The following CNTNAP5 variants were observed in gnomAD, a reference collection of about 807,000 sequenced individuals.
CNTNAP5 encodes contactin-associated protein-like 5.
In CNTNAP5, 72 loss-of-function variants were observed where a neutral mutation model predicts 150.2. The ratio of observed to expected loss-of-function variants is 0.48; its 90% CI spans 0.40 to 0.58. CNTNAP5 has a LOEUF of 0.58. Among genes scored for constraint, CNTNAP5 ranks in the 20% least tolerant of loss-of-function variants. The pLI, the probability that CNTNAP5 is intolerant of heterozygous loss-of-function variation, is 0.00. For missense variants in CNTNAP5, 1,636 were observed against 1,626.2 expected (o/e 1.01, Z -0.10); for synonymous variants, 672 against 619.8 (o/e 1.08, Z -1.25).
intron 1 of CNTNAP5, among the ~76,000 whole-genome samples, chr2:124,071,943 G>A (rs1300575661): frequency 2.0e-5 from 3 of 151,832 alleles, no homozygotes. Flanking sequence ...GAAAACTACA[G>A]GCCAATATTC....
chr2:124,791,579 T>C (rs927929699), intron 18 of CNTNAP5, among the ~76,000 whole-genome samples: 1 of 152,018 alleles, frequency 6.6e-6, no homozygotes, highest in Non-Finnish European at 1.5e-5. Context: ...CTTCTCAGCA[T>C]CTCTAACCAA....
chr2:124,703,609 C>T (rs147905308), intron 13 of CNTNAP5, among the ~76,000 whole-genome samples: 161 of 152,236 alleles, frequency 1.1e-3, no homozygotes, highest in African/African-American at 3.4e-3. Flanking sequence ...TCACCTTGTG[C>T]GATGGCTAGT....
intron 3 of CNTNAP5, among the ~76,000 whole-genome samples, chr2:124,263,877 T>A (rs1168961952): frequency 6.6e-6 from 1 of 152,226 alleles, no homozygotes; most frequent in Admixed American, 6.5e-5. Flanking sequence ...GGCAGCCAGT[T>A]TTCCCAGCAC....
At chr2:124,371,675 C>A (rs1690530539) in intron 3 of CNTNAP5, among the ~76,000 whole-genome samples, 1 of 151,966 alleles carries the variant, frequency 6.6e-6, no homozygotes, top group Non-Finnish European at 1.5e-5. Context: ...TAAGATAAAG[C>A]TGGGTAACAG....
intron 13 of CNTNAP5, among the ~76,000 whole-genome samples, chr2:124,713,372 T>TTTCTTTCTTTCC (rs1553434537): frequency 7.3e-6 from 1 of 137,090 alleles, no homozygotes; most frequent in South Asian, 2.4e-4. Flanking sequence ...TCTTTCTTTC[T>TTTCTTTCTTTCC]TTCTTTCTTC....
intron 4 of CNTNAP5, among the ~76,000 whole-genome samples, chr2:124,423,242 A>G (rs966007263): frequency 1.3e-5 from 2 of 152,226 alleles, no homozygotes; most frequent in African/African-American, 4.8e-5. Flanking sequence ...AGTGCTTTGC[A>G]TAATGTAAGC....
Position 124,238,530 on chromosome 2 carries a change from A to T in CNTNAP5, c.188-3670A>T, listed in dbSNP as rs188860420. Among the ~76,000 whole-genome samples the T allele has an allele frequency of 4.6e-5, 7 of 152,208 alleles. No homozygotes were observed. In the East Asian group the frequency reaches 5.8e-4, roughly 13 times the overall value. On this transcript the variant is annotated intron_variant, in intron 2 of 23. Coordinates refer to ENST00000682447, the MANE Select transcript of CNTNAP5 (RefSeq NM_001367498.1). ...TTGTCAAACATTTAAACAATTCCAG[A>T]TGTTCTCTAAGGTGAGATTATTTTC... is the stretch of plus-strand genomic sequence containing the variant.
intron 13 of CNTNAP5, among the ~76,000 whole-genome samples, chr2:124,728,855 T>A (rs1184548979): frequency 1.3e-5 from 2 of 152,112 alleles, no homozygotes; most frequent in African/African-American, 4.8e-5. Context: ...ATTTGTAAAC[T>A]AAACTCAATT....
chr2:124,838,569 T>C (rs1682878140), intron 19 of CNTNAP5, among the ~76,000 whole-genome samples: 1 of 152,172 alleles, frequency 6.6e-6, no homozygotes, highest in Non-Finnish European at 1.5e-5. Context: ...GCAACATTCC[T>C]AACTTACTAT....
At position 124,280,578 on chromosome 2, in the gene CNTNAP5, T is replaced by A. The variant is rs962962042; in HGVS notation, c.381+38185T>A. The stretch of plus-strand genomic sequence containing the variant: ...CATTTTGGTGACAATGGCGAGTGAT[T>A]TCAGCACCAAAGGGAGACAGCAAAA... On this transcript the variant is annotated intron_variant, in intron 3 of 23. Coordinates refer to ENST00000682447, the MANE Select transcript of CNTNAP5 (RefSeq NM_001367498.1). 4.6e-5 allele frequency among the ~76,000 whole-genome samples: 7 copies of A among 152,090 alleles called. 1 individual carries two copies. The highest frequency in any genetic ancestry group is 8.8e-5 in the Non-Finnish European group (6 of 68,012).
chr2:124,527,341 G>C lies in CNTNAP5; in HGVS notation c.1534G>C (p.Gly512Arg). 1 of 1,613,630 alleles carries C rather than the reference G, an allele frequency of 6.2e-7. No individual in the cohort carries two copies. ...QCLNPIKAFQ[G>R]CMRLIFIDNQ... ...TTTAAATCCCATTAAGGCTTTCCAA[G>C]GCTGCATGAGGCTCATCTTTATTGA... Residue 512 changes from glycine to arginine, a missense_variant, in exon 10 of 24, where the codon GGC becomes CGC. By Grantham distance (125) the Gly-to-Arg change is moderately radical. Transcript: ENST00000682447.
At chr2:124,635,019 T>C (rs1039653599) in intron 12 of CNTNAP5, among the ~76,000 whole-genome samples, 32 of 152,180 alleles carry the variant, frequency 2.1e-4, no homozygotes, top group African/African-American at 7.2e-4. Flanking sequence ...CTTAGAGAAA[T>C]TCCCCATTAC....
chr2:124,564,368 T>A lies in CNTNAP5; in HGVS notation c.1756+1045T>A, dbSNP rs191830325. 3.4e-4 allele frequency among the ~76,000 whole-genome samples: 51 copies of A among 152,190 alleles called. 1 individual carries two copies. The highest frequency in any genetic ancestry group is 9.1e-4 in the African/African-American group (38 of 41,534). ...TGTTTATTTATTTATTTATTTATTT[T>A]TTGAGAGAGAGAGTTTTGCTCTTGT... On this transcript the variant is annotated intron_variant, in intron 11 of 23. Transcript: ENST00000682447.
At chr2:124,353,989 T>C (rs1689935796) in intron 3 of CNTNAP5, among the ~76,000 whole-genome samples, 1 of 152,180 alleles carries the variant, frequency 6.6e-6, no homozygotes. Flanking sequence ...ATGAAAATTA[T>C]CTACTTCCTG....
chr2:124,254,130 A>G (rs752972104), intron 3 of CNTNAP5, among the ~76,000 whole-genome samples: 1 of 152,176 alleles, frequency 6.6e-6, no homozygotes. Context: ...GGCAATCTAC[A>G]TAGACTCCCA....
At chr2:124,595,208 C>T (rs1272014988) in intron 11 of CNTNAP5, among the ~76,000 whole-genome samples, 1 of 138,058 alleles carries the variant, frequency 7.2e-6, no homozygotes, top group Admixed American at 7.6e-5. Flanking sequence ...GCATCCCTGT[C>T]TTGTGCCAGT....
At chr2:124,072,663 A>G (rs977482214) in intron 1 of CNTNAP5, among the ~76,000 whole-genome samples, 2 of 151,926 alleles carry the variant, frequency 1.3e-5, no homozygotes, top group African/African-American at 4.8e-5. Flanking sequence ...ATCAACCAGA[A>G]AATGAAAAAT....
At chr2:124,593,405 G>C (rs373375098) in intron 11 of CNTNAP5, among the ~76,000 whole-genome samples, 1 of 89,884 alleles carries the variant, frequency 1.1e-5, no homozygotes, top group African/African-American at 4.1e-5. Context: ...TTGTTCTTGC[G>C]ATAGTTTACT....
chr2:124,094,597 T>A (rs866722476), intron 1 of CNTNAP5, among the ~76,000 whole-genome samples: 16 of 152,332 alleles, frequency 1.1e-4, no homozygotes, highest in South Asian at 1.0e-3. Flanking sequence ...AAGTTTCATG[T>A]TTGTTCATTT....
Sources: allele counts gnomAD v4.1 joint callset (sites outside exome capture counted in the v4.1 genomes callset), GRCh38; gene constraint gnomAD v4.1.1; transcripts MANE v1.5; gene names NCBI Gene and HGNC (gene_info 2026-07-23, HGNC 2026-07-21).